The following MLLT10 variants were observed in gnomAD, a reference collection of about 807,000 sequenced individuals.
MLLT10 encodes the protein MLLT10 histone lysine methyltransferase DOT1L cofactor.
In MLLT10, 30 loss-of-function variants were observed where a neutral mutation model predicts 129.1. The ratio of observed to expected loss-of-function variants is 0.23; its 90% CI spans 0.17 to 0.32. The LOEUF is 0.32. Ranked by LOEUF, MLLT10 falls within the 10% of genes least tolerant of loss-of-function variation. The pLI is 1.00. For missense variants in MLLT10, 1,119 were observed against 1,268.3 expected (o/e 0.88, Z 1.79); for synonymous variants, 490 against 446.4 (o/e 1.10, Z -1.23).
chr10:21,643,067 C>T (rs543896756), intron 8 of MLLT10, among the ~76,000 whole-genome samples: 1 of 152,242 alleles, frequency 6.6e-6, no homozygotes, highest in African/African-American at 2.4e-5. Context: ...GAGTCTCACT[C>T]TGTCACCCAG....
At position 21,711,227 on chromosome 10, in the gene MLLT10, A is replaced by G. The variant is rs577932248; in HGVS notation, c.1700-2545A>G. 2.0e-5 allele frequency among the ~76,000 whole-genome samples: 3 copies of G among 152,258 alleles called. No individual in the cohort carries two copies. In the South Asian group the frequency reaches 6.2e-4, roughly 32 times the overall value. On this transcript the variant is annotated intron_variant, in intron 13 of 22. Transcript: ENST00000307729. ...CACCTGAGGTCAGGAGTTTGAGACC[A>G]GCCTGGCCGACATGGTGAAACCCCA... is the stretch of plus-strand genomic sequence containing the variant.
chr10:21,676,018 C>G (rs892509397), intron 11 of MLLT10, among the ~76,000 whole-genome samples: 1 of 152,142 alleles, frequency 6.6e-6, no homozygotes, highest in East Asian at 1.9e-4. Flanking sequence ...TTTCTCTTAC[C>G]TTACCATTAG....
At chr10:21,556,977 G>A (rs374654406) in intron 3 of MLLT10, 65 of 1,517,148 alleles carry the variant, frequency 4.3e-5, no homozygotes, top group Middle Eastern at 2.0e-4. Context: ...TGTTTCTGAT[G>A]TGGTCTTTTA....
At chr10:21,692,500 TGAGA>T (rs947228501) in intron 13 of MLLT10, among the ~76,000 whole-genome samples, 4 of 151,750 alleles carry the variant, frequency 2.6e-5, no homozygotes, top group Admixed American at 6.6e-5. Flanking sequence ...CTTTTATTTT[TGAGA>T]GAGAGTCTTG....
At chr10:21,584,265 G>A (rs2041774368) in intron 3 of MLLT10, among the ~76,000 whole-genome samples, 1 of 150,896 alleles carries the variant, frequency 6.6e-6, no homozygotes, top group Non-Finnish European at 1.5e-5. Flanking sequence ...CCGGTTTCAA[G>A]TGATTCTCCT....
intron 9 of MLLT10, among the ~76,000 whole-genome samples, chr10:21,654,883 T>C (rs2049396754): frequency 6.6e-6 from 1 of 151,874 alleles, no homozygotes; most frequent in Admixed American, 6.6e-5. Flanking sequence ...AATTAAGGGA[T>C]TGTTGAAGGC....
Position 21,614,813 on chromosome 10 carries a change from C to T in MLLT10, c.510-18C>T, listed in dbSNP as rs1461460091. 6.3e-7 allele frequency: 1 copy of T among 1,599,898 alleles called. No homozygotes were observed. The highest frequency in any genetic ancestry group is 1.7e-5 in the Admixed American group (1 of 57,318). On this transcript the variant is annotated intron_variant, in intron 6 of 22. Transcript: ENST00000307729. Reference sequence around the variant, plus strand: ...TGATTTTAGTATATCAATAAATATACTTGGCTTTTATTTTCAGCGCTCAGT... The same window carrying T: ...TGATTTTAGTATATCAATAAATATATTTGGCTTTTATTTTCAGCGCTCAGT...
chr10:21,677,436 C>T (rs1233472625), intron 11 of MLLT10, among the ~76,000 whole-genome samples: 2 of 152,148 alleles, frequency 1.3e-5, no homozygotes, highest in Non-Finnish European at 2.9e-5. Context: ...CAAATAAATA[C>T]CCAAGTCCAA....
At chr10:21,726,379 T>G (rs2077255379) in intron 15 of MLLT10, 24 bp downstream of exon 15, 11 of 1,507,046 alleles carry the variant, frequency 7.3e-6, no homozygotes, top group Non-Finnish European at 1.0e-5. Flanking sequence ...AATTACTAAC[T>G]CTAAAACCCT....
intron 5 of MLLT10, among the ~76,000 whole-genome samples, chr10:21,608,963 C>T (rs1163718121): frequency 4.6e-5 from 7 of 151,866 alleles, no homozygotes; most frequent in Admixed American, 3.9e-4. Context: ...GTAATATAGC[C>T]CCTCTGGATA....
At chr10:21,535,419 C>G (rs935387042) in intron 2 of MLLT10, among the ~76,000 whole-genome samples, 5 of 152,116 alleles carry the variant, frequency 3.3e-5, no homozygotes, top group Non-Finnish European at 5.9e-5. Flanking sequence ...GAGGAGATGG[C>G]GGAGTCCGTT....
At chr10:21,576,343 C>T (rs766561499) in intron 3 of MLLT10, among the ~76,000 whole-genome samples, 3 of 150,926 alleles carry the variant, frequency 2.0e-5, no homozygotes, top group Non-Finnish European at 3.0e-5. Flanking sequence ...CCCAGGTTCA[C>T]GCCATTCTCC....
intron 3 of MLLT10, among the ~76,000 whole-genome samples, chr10:21,571,072 C>T (rs1317527433): frequency 6.6e-6 from 1 of 152,090 alleles, no homozygotes; most frequent in Non-Finnish European, 1.5e-5. Context: ...ATTTTTTCCT[C>T]CTTCTGAAGA....
At chr10:21,634,429 ATGAT>A (rs1268552835) in intron 8 of MLLT10, among the ~76,000 whole-genome samples, 2 of 152,216 alleles carry the variant, frequency 1.3e-5, no homozygotes, top group African/African-American at 2.4e-5. Flanking sequence ...CAAGGGACAT[ATGAT>A]ATTAGTTTAT....
intron 3 of MLLT10, among the ~76,000 whole-genome samples, chr10:21,554,299 C>T (rs1381691772): frequency 6.6e-6 from 1 of 152,100 alleles, no homozygotes; most frequent in Non-Finnish European, 1.5e-5. Flanking sequence ...GGTGATTCCT[C>T]ACTTTCTCTT....
intron 13 of MLLT10, among the ~76,000 whole-genome samples, chr10:21,694,664 A>T (rs1171387990): frequency 6.6e-6 from 1 of 152,196 alleles, no homozygotes; most frequent in Admixed American, 6.5e-5. Context: ...TATCCCTGTT[A>T]TTCTTTGAAT....
chr10:21,649,039 A>G (rs989029196), intron 8 of MLLT10, among the ~76,000 whole-genome samples: 20 of 152,270 alleles, frequency 1.3e-4, no homozygotes, highest in African/African-American at 3.4e-4. Flanking sequence ...CAGCCAAACC[A>G]TATCAATGTA....
intron 13 of MLLT10, among the ~76,000 whole-genome samples, chr10:21,693,487 GA>G (rs142453572): frequency 7.3e-5 from 11 of 149,976 alleles, no homozygotes; most frequent in Non-Finnish European, 1.5e-4. Flanking sequence ...CCTCCACAGA[GA>G]AAAAAAAACC....
chr10:21,735,108 G>A (rs1448255300), intron 20 of MLLT10, 31 bp from the exon 21 acceptor site: 1 of 1,549,172 alleles, frequency 6.5e-7, no homozygotes, highest in East Asian at 2.2e-5. Context: ...GAGGTGTGTA[G>A]TAAAAAGTAA....
Sources: gnomAD v4.1 joint callset for allele counts (sites outside exome capture counted in the v4.1 genomes callset) on GRCh38, gnomAD v4.1.1 for gene constraint, MANE v1.5 for transcripts, NCBI Gene and HGNC (gene_info 2026-07-23, HGNC 2026-07-21) for gene names.